PPIG: variants seen among roughly 807,000 people sequenced by gnomAD.
PPIG encodes the protein peptidylprolyl isomerase G.
PPIG carries 26 observed loss-of-function variants against 87.9 expected under a neutral mutation model. That is an observed-to-expected ratio of 0.30 (90% confidence interval 0.22 to 0.41). PPIG has a LOEUF of 0.41. Ranked by LOEUF, PPIG falls within the 10% of genes least tolerant of loss-of-function variation. The pLI, the probability that PPIG is intolerant of heterozygous loss-of-function variation, is 1.00. For synonymous variants in PPIG, 308 were observed against 276.5 expected, an observed-to-expected ratio of 1.11 and a Z score of -1.13; for missense variants, 722 against 879.4, an observed-to-expected ratio of 0.82 and a Z score of 2.26.
rs114465399 is a variant in PPIG at position 169,636,620 on chromosome 2, A to G, written c.1362A>G (p.Lys454=). The G allele has an allele frequency of 4.1e-5, 65 of 1,594,714 alleles. No individual in the cohort carries two copies. In the African/African-American group the frequency reaches 7.3e-4, roughly 18 times the overall value. Residue 454 remains lysine (K), a synonymous_variant, in exon 14 of 14, where the codon AAA becomes AAG. Transcript: ENST00000260970. ...KDDKYKNKVK[K]RAKSKSRSKS... ...ACAAGTATAAAAACAAAGTGAAGAA[A>G]AGGGCCAAATCTAAAAGTAGGAGTA...
Position 169,636,938 on chromosome 2 carries a change from C to G in PPIG, c.1680C>G (p.Ser560Arg), listed in dbSNP as rs1308971447. The change falls in exon 14 of 14, where the codon AGC (serine) becomes AGG (arginine). Residue 560 changes from serine to arginine, a missense_variant. Ser to Arg is a moderately radical substitution (Grantham distance 110). Transcript: ENST00000260970. Reference sequence around the variant, plus strand: ...CTAAAGGTAAACACAGTTATAATAGCAGAACAAGAGAACGAAGCAGAAGTA... The same window carrying G: ...CTAAAGGTAAACACAGTTATAATAGGAGAACAAGAGAACGAAGCAGAAGTA... Reference protein sequence around the residue: ...DITKGKHSYNSRTRERSRSRD... With the variant: ...DITKGKHSYNRRTRERSRSRD... 1 of 1,613,720 alleles carries G rather than the reference C, an allele frequency of 6.2e-7. No homozygotes were observed. Among genetic ancestry groups the G allele is most frequent in the Non-Finnish European group, 8.5e-7 (1 of 1,179,918 alleles).
At chr2:169,593,151 AT>A (rs1195002909) in intron 1 of PPIG, among the ~76,000 whole-genome samples, 1 of 151,524 alleles carries the variant, frequency 6.6e-6, no homozygotes, top group Non-Finnish European at 1.5e-5. Flanking sequence ...TATCTTAGGA[AT>A]TTTTTCTTTA....
chr2:169,637,334 A>G lies in PPIG; in HGVS notation c.2076A>G (p.Ile692Met), dbSNP rs1014240836. The change falls in exon 14 of 14, where the codon ATA becomes ATG. Residue 692 changes from isoleucine to methionine, a missense_variant. By Grantham distance (10) the Ile-to-Met change is conservative (BLOSUM62 1). Transcript: ENST00000260970. ...GAGATCAAAGTCCCTTCTCAAAAAT[A>G]AAACAAAGCAGTCAGGACAATGAAT... Reference protein sequence around the residue: ...ADRDQSPFSKIKQSSQDNELK... With the variant: ...ADRDQSPFSKMKQSSQDNELK... The G allele has an allele frequency of 1.5e-5, 24 of 1,605,442 alleles. No individual in the cohort carries two copies. Among genetic ancestry groups the G allele is most frequent in the Non-Finnish European group, 5.9e-6 (7 of 1,178,118 alleles).
chr2:169,610,775 C>G (rs895099588), intron 7 of PPIG, among the ~76,000 whole-genome samples: 1 of 152,168 alleles, frequency 6.6e-6, no homozygotes, highest in East Asian at 1.9e-4. Flanking sequence ...AACAGTATAT[C>G]CTTAAAATAC....
chr2:169,606,712 G>C (rs2105490567), intron 5 of PPIG, among the ~76,000 whole-genome samples: 1 of 151,752 alleles, frequency 6.6e-6, no homozygotes, highest in East Asian at 1.9e-4. Context: ...TCTGTCAAGT[G>C]TTTCTGTTTG....
chr2:169,592,429 A>C (rs113729970), intron 1 of PPIG, among the ~76,000 whole-genome samples: 1 of 148,270 alleles, frequency 6.7e-6, no homozygotes, highest in Non-Finnish European at 1.5e-5. Flanking sequence ...CTCAGCCTCC[A>C]GAGTAGCTGG....
chr2:169,629,967 T>A (rs1378926650), intron 9 of PPIG, among the ~76,000 whole-genome samples: 1 of 152,174 alleles, frequency 6.6e-6, no homozygotes, highest in African/African-American at 2.4e-5. Context: ...CATGTATATA[T>A]CAATATTGTC....
In PPIG at chr2:169,636,924, C is replaced by T. The variant is rs1262482132; in HGVS notation, c.1666C>T (p.His556Tyr). The stretch of plus-strand genomic sequence containing the variant: ...AGAATGTGATATAACTAAAGGTAAA[C>T]ACAGTTATAATAGCAGAACAAGAGA... ...SRECDITKGKHSYNSRTRERS... is the reference protein window; with the variant it reads ...SRECDITKGKYSYNSRTRERS... Residue 556 changes from histidine to tyrosine, a missense_variant, in exon 14 of 14, where the codon CAC (histidine) becomes TAC (tyrosine). By Grantham distance (83) the His-to-Tyr change is moderately conservative (BLOSUM62 2). Transcript: ENST00000260970. 13 of 1,613,718 alleles carry T rather than the reference C, an allele frequency of 8.1e-6. No homozygotes were observed. The highest frequency in any genetic ancestry group is 1.1e-5 in the Non-Finnish European group (13 of 1,179,964).
intron 9 of PPIG, among the ~76,000 whole-genome samples, chr2:169,619,090 A>T (rs1302271103): frequency 6.6e-6 from 1 of 152,054 alleles, no homozygotes; most frequent in African/African-American, 2.4e-5. Context: ...CTTTGTTCTC[A>T]TTGGTTTCAA....
chr2:169,604,327 G>GGTTT lies in PPIG; in HGVS notation c.136+66_136+67insGTTT, dbSNP rs1418230966. 13 of 347,440 alleles carry GGTTT rather than the reference G, an allele frequency of 3.7e-5. No homozygotes were observed. In the African/African-American group the frequency reaches 4.8e-4, roughly 13 times the overall value. 21.5% of individuals were successfully genotyped at this position (347,440 alleles called of 1,614,324 possible). On this transcript the variant is annotated intron_variant, in intron 4 of 13. Coordinates refer to ENST00000260970, the MANE Select transcript of PPIG (RefSeq NM_004792.3). ...TGACTATGGCTTGCTTGCTTGCTTG[G>GGTTT]TTTTTTTTTTTTTTTTTTTTTTTTT...
At chr2:169,630,227 A>T (rs563451792) in intron 9 of PPIG, among the ~76,000 whole-genome samples, 99 of 152,202 alleles carry the variant, frequency 6.5e-4, no homozygotes, top group Non-Finnish European at 1.0e-3. Context: ...TAGAGTCCCC[A>T]AAACATTCTA....
At chr2:169,586,137 A>G (rs1684696927) in intron 1 of PPIG, among the ~76,000 whole-genome samples, 1 of 118,274 alleles carries the variant, frequency 8.5e-6, no homozygotes. Flanking sequence ...TGTCTTAAAC[A>G]AGAGTTCATT....
rs1686241920 is a variant in PPIG, at chr2:169,638,525, TCTAA to T, written c.*1005_*1008del. 1 of 152,010 alleles carries T rather than the reference TCTAA, an allele frequency of 6.6e-6. No individual in the cohort carries two copies. The highest frequency in any genetic ancestry group is 1.5e-5 in the Non-Finnish European group (1 of 67,902). The allele number at this position is 152,010 out of a possible 1,614,324, so 9.4% of individuals were successfully genotyped here. ...TGTTTGTTTTAATTGAACTGACTTC[TCTAA>T]CTCTCATAGCTGTGAGTTCCAAATG... On this transcript the variant is annotated 3_prime_UTR_variant, in exon 14 of 14. Coordinates refer to ENST00000260970, the MANE Select transcript of PPIG (RefSeq NM_004792.3).
rs1376492945 is a variant in PPIG, at chr2:169,640,426, G to A, written c.*2903G>A. The A allele has an allele frequency of 3.3e-5, 5 of 152,196 alleles. No individual in the cohort carries two copies. Among genetic ancestry groups the A allele is most frequent in the Non-Finnish European group, 7.4e-5 (5 of 68,020 alleles). The allele number at this position is 152,196 out of a possible 1,614,324, so 9.4% of individuals were successfully genotyped here. On this transcript the variant is annotated 3_prime_UTR_variant, in exon 14 of 14. Coordinates refer to ENST00000260970, the MANE Select transcript of PPIG (RefSeq NM_004792.3). Reference sequence around the variant, plus strand: ...TTCTAATTTATTTTAGTTAGTATATGTAGCAAGTTAGTATGTTTGTTAGTA... The same window carrying A: ...TTCTAATTTATTTTAGTTAGTATATATAGCAAGTTAGTATGTTTGTTAGTA...
intron 9 of PPIG, among the ~76,000 whole-genome samples, chr2:169,627,330 C>G (rs1340281037): frequency 6.6e-6 from 1 of 152,232 alleles, no homozygotes; most frequent in Non-Finnish European, 1.5e-5. Flanking sequence ...CTCCTGACCT[C>G]AACCGATCCA....
chr2:169,612,484 C>T (rs1052577303), intron 7 of PPIG, among the ~76,000 whole-genome samples: 21 of 150,516 alleles, frequency 1.4e-4, no homozygotes, highest in African/African-American at 4.6e-4. Flanking sequence ...CCCGGGTTCA[C>T]GCCATTCTCC....
At chr2:169,604,304 A>C in intron 4 of PPIG, 43 bp downstream of exon 4, 2 of 750,134 alleles carry the variant, frequency 2.7e-6, no homozygotes, top group Non-Finnish European at 4.1e-6. Flanking sequence ...GTCTCAGTTG[A>C]CTATGGCTTG....
rs186519354 is a variant in PPIG at position 169,630,472 on chromosome 2, T to C, written c.548-302T>C. On this transcript the variant is annotated intron_variant, in intron 9 of 13. Coordinates refer to ENST00000260970, the MANE Select transcript of PPIG (RefSeq NM_004792.3). ...CAAGATTAGAACATGGGACTCTTCA[T>C]TGTTATTCTGTGCTTTTAAAAAAAA... Among the ~76,000 whole-genome samples the C allele has an allele frequency of 2.6e-5, 4 of 152,306 alleles. No homozygotes were observed. The East Asian group carries it at 5.8e-4, about 22-fold the overall frequency.
At chr2:169,599,459 GTTA>G (rs965476684) in intron 1 of PPIG, among the ~76,000 whole-genome samples, 10 of 151,826 alleles carry the variant, frequency 6.6e-5, no homozygotes, top group African/African-American at 2.4e-5. Context: ...TGTGCTTACT[GTTA>G]TTTAAAAAAA....
Sources: gnomAD v4.1 joint callset for allele counts (sites outside exome capture counted in the v4.1 genomes callset) on GRCh38, gnomAD v4.1.1 for gene constraint, MANE v1.5 for transcripts, NCBI Gene and HGNC (gene_info 2026-07-23, HGNC 2026-07-21) for gene names.